PREX1: variants seen among roughly 807,000 people sequenced by gnomAD.
PREX1 encodes phosphatidylinositol 3,4,5-trisphosphate-dependent Rac exchanger 1 protein.
A neutral mutation model predicts 198.3 loss-of-function variants in PREX1; 41 were observed. That is an observed-to-expected ratio of 0.21 (90% confidence interval 0.16 to 0.27). PREX1 has a LOEUF of 0.27. PREX1 is among the 10% of genes least tolerant of loss of function. The pLI, the probability that PREX1 is intolerant of heterozygous loss-of-function variation, is 1.00. For synonymous variants in PREX1, 843 were observed against 887.2 expected (o/e 0.95, Z 0.89); for missense variants, 1,620 against 2,200.7 (o/e 0.74, Z 5.28).
At chr20:48,706,611 A>G (rs1693024050) in intron 6 of PREX1, among the ~76,000 whole-genome samples, 1 of 152,102 alleles carries the variant, frequency 6.6e-6, no homozygotes, top group South Asian at 2.1e-4. Flanking sequence ...TTTTGAACAC[A>G]TGGTGCCTGG....
At chr20:48,862,790 A>AATAT in the PREX1 span, among the ~76,000 whole-genome samples, 975 of 102,506 alleles carry the variant, frequency 9.5e-3, 25 homozygotes, top group African/African-American at 0.028. Context: ...TAAAAAAAAA[A>AATAT]ATATATATAT....
chr20:48,682,040 C>T (rs1217146471), intron 10 of PREX1, among the ~76,000 whole-genome samples: 1 of 152,184 alleles, frequency 6.6e-6, no homozygotes, highest in Non-Finnish European at 1.5e-5. Flanking sequence ...AAAATCCCAA[C>T]TCTTCCCACA....
At chr20:48,855,707 T>C in the PREX1 span, among the ~76,000 whole-genome samples, 9 of 152,180 alleles carry the variant, frequency 5.9e-5, no homozygotes, top group Admixed American at 2.0e-4. Context: ...AAGACCAGCC[T>C]GGCCAACATG....
intron 1 of PREX1, among the ~76,000 whole-genome samples, chr20:48,805,142 G>A (rs1232971778): frequency 1.3e-5 from 2 of 152,208 alleles, no homozygotes; most frequent in Non-Finnish European, 2.9e-5. Flanking sequence ...CAGCCTCCTG[G>A]CTATGTGCCG....
At chr20:48,660,791 TCA>T (rs1262785703) in intron 15 of PREX1, among the ~76,000 whole-genome samples, 4 of 152,152 alleles carry the variant, frequency 2.6e-5, no homozygotes, top group Non-Finnish European at 5.9e-5. Context: ...GCTCAGAAGC[TCA>T]CAGATAAATG....
Position 48,827,976 on chromosome 20 carries a change from G to A in PREX1, c.-116C>T. On this transcript the variant is annotated 5_prime_UTR_variant, in exon 1 of 40. Coordinates refer to ENST00000371941, the MANE Select transcript of PREX1 (RefSeq NM_020820.4). This position sits in a 1 kb window ranked among gnomAD's most constrained non-coding sequence, Gnocchi z 4.1. Reference sequence around the variant, plus strand: ...CGGGCCGGGCTCAGCGGCGGGCCGGGCTCCCGGCGCGGCGGGCGGGACTGG... The same window carrying A: ...CGGGCCGGGCTCAGCGGCGGGCCGGACTCCCGGCGCGGCGGGCGGGACTGG... The A allele has an allele frequency of 3.6e-6, 1 of 274,412 alleles. No homozygotes were observed. The highest frequency in any genetic ancestry group is 5.5e-6 in the Non-Finnish European group (1 of 183,328). The allele number at this position is 274,412 out of a possible 1,614,324, so 17.0% of individuals were successfully genotyped here.
intron 18 of PREX1, chr20:48,656,404 T>C (rs1601049956): frequency 2.8e-6 from 1 of 361,490 alleles, no homozygotes; most frequent in East Asian, 8.9e-5. Flanking sequence ...TCCCCATGGG[T>C]CCTTGCCAGG....
chr20:48,854,976 C>T, the PREX1 span, among the ~76,000 whole-genome samples: 3 of 152,302 alleles, frequency 2.0e-5, no homozygotes, highest in South Asian at 6.2e-4. Context: ...CTTTCCTCCC[C>T]TAAAATGAGG....
chr20:48,661,345 G>A (rs1197099212), intron 15 of PREX1, among the ~76,000 whole-genome samples: 1 of 145,284 alleles, frequency 6.9e-6, no homozygotes, highest in Non-Finnish European at 1.5e-5. Flanking sequence ...CTTGAACCCG[G>A]GAGGTGGAGG....
intron 1 of PREX1, among the ~76,000 whole-genome samples, chr20:48,749,181 G>A (rs528036152): frequency 1.1e-4 from 17 of 152,236 alleles, no homozygotes; most frequent in East Asian, 3.9e-4. Context: ...TGGTTTGCCG[G>A]AACTCCAGGA....
At chr20:48,812,855 C>A (rs968738475) in intron 1 of PREX1, among the ~76,000 whole-genome samples, 1 of 152,170 alleles carries the variant, frequency 6.6e-6, no homozygotes, top group Non-Finnish European at 1.5e-5. Flanking sequence ...AGCAGTGACA[C>A]GAGGAAGTAT....
chr20:48,633,208 A>G (rs1003455200), intron 33 of PREX1, among the ~76,000 whole-genome samples: 1 of 152,218 alleles, frequency 6.6e-6, no homozygotes, highest in Non-Finnish European at 1.5e-5. Flanking sequence ...GCTGCTGCCT[A>G]TCAATTCCAA....
At chr20:48,852,789 A>G in the PREX1 span, among the ~76,000 whole-genome samples, 6 of 152,248 alleles carry the variant, frequency 3.9e-5, no homozygotes, top group East Asian at 1.9e-4. Context: ...GACTAGCCCA[A>G]TAAATTATGG....
intron 1 of PREX1, among the ~76,000 whole-genome samples, chr20:48,749,282 C>T (rs550483793): frequency 2.0e-5 from 3 of 152,128 alleles, no homozygotes; most frequent in East Asian, 3.9e-4. Flanking sequence ...CACAGGGCCA[C>T]GGGGAGCTGT....
chr20:48,639,985 C>T (rs935587710), intron 29 of PREX1, 91 bp from the exon 30 acceptor site: 2 of 1,477,832 alleles, frequency 1.4e-6, no homozygotes, highest in African/African-American at 1.4e-5. Context: ...ATCACAGATC[C>T]CAGAGCTCAT....
rs2089499035 is a variant in PREX1, at chr20:48,651,652, T to C, written c.2468-69A>G. The C allele has an allele frequency of 2.8e-5, 42 of 1,489,958 alleles. 2 individuals are homozygous for C. In the South Asian group the frequency reaches 5.2e-4, roughly 18 times the overall value. The allele number at this position is 1,489,958 out of a possible 1,614,324, so 92.3% of individuals were successfully genotyped here. A position where few individuals can be genotyped will look rare whatever the true frequency, so the allele number is the denominator to read the frequency against. ...GGGAGGAAGGCGAGGCGAGGAGGATTCTGGAGGAAGCCTTCCAGGCAGTGG... is the reference window on the plus strand; with the variant it reads ...GGGAGGAAGGCGAGGCGAGGAGGATCCTGGAGGAAGCCTTCCAGGCAGTGG... On this transcript the variant is annotated intron_variant, in intron 21 of 39. Transcript: ENST00000371941.
At chr20:48,718,192 G>A (rs910551662) in intron 5 of PREX1, among the ~76,000 whole-genome samples, 2 of 152,176 alleles carry the variant, frequency 1.3e-5, no homozygotes, top group African/African-American at 2.4e-5. Context: ...ACATTCAGGA[G>A]CTCTATATCC....
chr20:48,847,338 C>T, the PREX1 span, among the ~76,000 whole-genome samples: 21 of 147,944 alleles, frequency 1.4e-4, no homozygotes, highest in Admixed American at 8.2e-4. Flanking sequence ...CCTTTCTTTG[C>T]CCTGCCCTCC....
chr20:48,627,652 G>A lies in PREX1; in HGVS notation c.4870-37C>T, dbSNP rs763536623. ...AACCATCAGGCAGGGGCCTCTGCAGGTTCAGGGCACGTGAGGAAGCACACT... is the reference window on the plus strand; with the variant it reads ...AACCATCAGGCAGGGGCCTCTGCAGATTCAGGGCACGTGAGGAAGCACACT... On this transcript the variant is annotated intron_variant, in intron 38 of 39. Coordinates refer to ENST00000371941, the MANE Select transcript of PREX1 (RefSeq NM_020820.4). 4 of 1,544,514 alleles carry A rather than the reference G, an allele frequency of 2.6e-6. No homozygotes were observed. In the South Asian group the frequency reaches 3.3e-5, roughly 13 times the overall value.
Sources: allele counts gnomAD v4.1 joint callset (sites outside exome capture counted in the v4.1 genomes callset), GRCh38; gene constraint gnomAD v4.1.1; non-coding constraint Gnocchi (gnomAD v3.1); transcripts MANE v1.5; gene names NCBI Gene and HGNC (gene_info 2026-07-23, HGNC 2026-07-21).